Variants in MRPS25 observed in about 807,000 individuals in gnomAD.
MRPS25 encodes the protein mitochondrial ribosomal protein S25.
A neutral mutation model predicts 17.3 loss-of-function variants in MRPS25; 15 were observed. The ratio of observed to expected loss-of-function variants is 0.87; its 90% CI spans 0.58 to 1.34. The LOEUF (loss-of-function observed/expected upper bound fraction) is 1.34, where lower values mean the gene tolerates loss of function less well. Ranked by LOEUF, MRPS25 falls within the 40% of genes most tolerant of loss-of-function variation. The probability of loss-of-function intolerance (pLI) is 0.00; values close to 1 mark genes in which losing one functional copy is unlikely to be tolerated. For missense variants in MRPS25, 225 were observed against 218.6 expected (o/e 1.03, Z -0.19); for synonymous variants, 94 against 83.3 (o/e 1.13, Z -0.70).
chr3:15,046,535 C>T (rs1322504590), downstream of MRPS25: 1 of 152,306 alleles, frequency 6.6e-6, no homozygotes, highest in East Asian at 1.9e-4. Context: ...TGCTCACAGC[C>T]CGCCCTCTGC....
intron 2 of MRPS25, among the ~76,000 whole-genome samples, chr3:15,055,438 A>G (rs552533179): frequency 6.6e-6 from 1 of 152,372 alleles, no homozygotes; most frequent in African/African-American, 2.4e-5. Flanking sequence ...AAATGGCTAA[A>G]ATTTTAAAAG....
Position 15,065,254 on chromosome 3 carries a change from A to G in MRPS25, c.-60T>C. The G allele has an allele frequency of 6.7e-7, 1 of 1,494,542 alleles. No homozygotes were observed. Among genetic ancestry groups the G allele is most frequent in the Non-Finnish European group, 8.9e-7 (1 of 1,120,906 alleles). The allele number at this position is 1,494,542 out of a possible 1,614,324, so 92.6% of individuals were successfully genotyped here. On this transcript the variant is annotated 5_prime_UTR_variant, in exon 1 of 4. Transcript: ENST00000253686. ...GCGAGCCGAGCAGCGACGAGAAAGG[A>G]CTAGCTAGCACCCGCGCGGATCTCA...
chr3:15,064,017 G>A (rs955083471), intron 1 of MRPS25, among the ~76,000 whole-genome samples: 7 of 152,230 alleles, frequency 4.6e-5, no homozygotes, highest in Non-Finnish European at 8.8e-5. Flanking sequence ...CACCTGCGCA[G>A]AGCAAATGGC....
chr3:15,061,232 T>G (rs2042750713), intron 1 of MRPS25, among the ~76,000 whole-genome samples: 1 of 152,050 alleles, frequency 6.6e-6, no homozygotes, highest in Non-Finnish European at 1.5e-5. Flanking sequence ...ACGGTCTCCC[T>G]CTCCCTCTTT....
chr3:15,055,049 G>C (rs1258037244), intron 2 of MRPS25, among the ~76,000 whole-genome samples: 1 of 149,706 alleles, frequency 6.7e-6, no homozygotes, highest in Non-Finnish European at 1.5e-5. Flanking sequence ...GAAGGCAAAG[G>C]GGGAGCAAGG....
chr3:15,044,095 G>A (rs940488011), downstream of MRPS25: 6 of 152,222 alleles, frequency 3.9e-5, no homozygotes, highest in African/African-American at 1.2e-4. Context: ...AAGGGCTCGT[G>A]TTTCTGCAGC....
At position 15,058,809 on chromosome 3, in the gene MRPS25, G is replaced by A. The variant is rs376490331; in HGVS notation, c.241+560C>T. ...GTCTGAGAGCTGGGCCAGAACAGCT[G>A]CCCTCCTCGTTTTCCAGCGTGGAGC... On this transcript the variant is annotated intron_variant, in intron 2 of 3. Coordinates refer to ENST00000253686, the MANE Select transcript of MRPS25 (RefSeq NM_022497.5). Among the ~76,000 whole-genome samples the A allele has an allele frequency of 2.4e-4, 36 of 152,228 alleles. No homozygotes were observed. In the East Asian group the frequency reaches 3.7e-3, roughly 16 times the overall value.
rs1463198124 is a variant in MRPS25, at chr3:15,049,919, G to C, written c.*2522C>G. ...ACAGCAGATGATACAGGTTTAGATG[G>C]TGCTGCCAGGTAGTGCCTCAAAGAG... On this transcript the variant is annotated 3_prime_UTR_variant, in exon 4 of 4. Coordinates refer to ENST00000253686, the MANE Select transcript of MRPS25 (RefSeq NM_022497.5). The C allele has an allele frequency of 8.5e-6, 13 of 1,532,070 alleles. No individual in the cohort carries two copies. Among genetic ancestry groups the C allele is most frequent in the Non-Finnish European group, 1.1e-5 (13 of 1,145,584 alleles). 94.9% of individuals were successfully genotyped at this position (1,532,070 alleles called of 1,614,324 possible). A position where few individuals can be genotyped will look rare whatever the true frequency, so the allele number is the denominator to read the frequency against.
rs1345156224 is a variant in MRPS25 at position 15,065,108 on chromosome 3, G to A, written c.87C>T (p.Val29=). ...CATGCGTGTTGTAATTCACTGTCAT[G>A]ACCTTCACGGAGTCCTTGAACACCA... The part of the protein sequence containing the change: ...GNVVFKDSVK[V]MTVNYNTHGE... The change falls in exon 1 of 4, where the codon GTC becomes GTT. Residue 29 remains valine (V), a synonymous_variant. Transcript: ENST00000253686. 1.2e-6 allele frequency: 2 copies of A among 1,608,852 alleles called. No individual in the cohort carries two copies. The highest frequency in any genetic ancestry group is 8.5e-7 in the Non-Finnish European group (1 of 1,177,920).
Position 15,061,894 on chromosome 3 carries a change from GC to G in MRPS25, c.135-2420del, listed in dbSNP as rs2042769347. Among the ~76,000 whole-genome samples the G allele has an allele frequency of 2.7e-5, 4 of 149,624 alleles. No individual in the cohort carries two copies. The East Asian group carries it at 8.1e-4, about 30-fold the overall frequency. On this transcript the variant is annotated intron_variant, in intron 1 of 3. Transcript: ENST00000253686. The stretch of plus-strand genomic sequence containing the variant: ...CGTCTGAGAAGGGAGGAGACCCTCC[GC>G]CCGGCAGCCGCCCTGTCTGAGAAGT...
chr3:15,049,824 G>A lies in MRPS25; in HGVS notation c.*2617C>T. 3 of 1,039,572 alleles carry A rather than the reference G, an allele frequency of 2.9e-6. No individual in the cohort carries two copies. The highest frequency in any genetic ancestry group is 4.3e-6 in the Non-Finnish European group (3 of 700,406). 64.4% of individuals were successfully genotyped at this position (1,039,572 alleles called of 1,614,324 possible). A position where few individuals can be genotyped will look rare whatever the true frequency, so the allele number is the denominator to read the frequency against. ...GGCTGGAATGCAGTGGTACAGTCAT[G>A]GCTCACTCCAGCCTCAACCTCCTGG... is the stretch of plus-strand genomic sequence containing the variant. On this transcript the variant is annotated 3_prime_UTR_variant, in exon 4 of 4. Transcript: ENST00000253686.
Position 15,051,010 on chromosome 3 carries a change from C to T in MRPS25, c.*1431G>A. 1.0e-6 allele frequency: 1 copy of T among 983,946 alleles called. No homozygotes were observed. Among genetic ancestry groups the T allele is most frequent in the Non-Finnish European group, 1.2e-6 (1 of 828,664 alleles). 61.0% of individuals were successfully genotyped at this position (983,946 alleles called of 1,614,324 possible). A position where few individuals can be genotyped will look rare whatever the true frequency, so the allele number is the denominator to read the frequency against. On this transcript the variant is annotated 3_prime_UTR_variant, in exon 4 of 4. Coordinates refer to ENST00000253686, the MANE Select transcript of MRPS25 (RefSeq NM_022497.5). ...GACCTGGAAAGCTTTTAGGACTTGA[C>T]CAAGGCCCCAGCAGGTAGAGGAATG...
intron 1 of MRPS25, among the ~76,000 whole-genome samples, chr3:15,061,136 G>GA (rs528167896): frequency 2.0e-5 from 3 of 152,200 alleles, no homozygotes; most frequent in East Asian, 3.9e-4. Flanking sequence ...AAATGCAACA[G>GA]AGATCTTAAA....
Position 15,049,778 on chromosome 3 carries a change from A to G in MRPS25, c.*2663T>C, listed in dbSNP as rs758572691. 1.4e-6 allele frequency: 1 copy of G among 714,522 alleles called. No individual in the cohort carries two copies. The highest frequency in any genetic ancestry group is 2.7e-5 in the Admixed American group (1 of 37,342). 44.3% of individuals were successfully genotyped at this position (714,522 alleles called of 1,614,324 possible). On this transcript the variant is annotated 3_prime_UTR_variant, in exon 4 of 4. Coordinates refer to ENST00000253686, the MANE Select transcript of MRPS25 (RefSeq NM_022497.5). Reference sequence around the variant, plus strand: ...TGACAGAACTCACTGGCAGGCAGATAGGGCCTCACTCCGTCACCCAGGCTG... The same window carrying G: ...TGACAGAACTCACTGGCAGGCAGATGGGGCCTCACTCCGTCACCCAGGCTG...
At chr3:15,044,375 TA>T (rs1400767149), downstream of MRPS25, 2 of 152,326 alleles carry the variant, frequency 1.3e-5, no homozygotes, top group South Asian at 2.1e-4. Flanking sequence ...GCTTGCTCCT[TA>T]AAAACAACCC....
Position 15,049,609 on chromosome 3 carries a change from T to C in MRPS25, c.*2832A>G, listed in dbSNP as rs2042571899. 1 of 473,288 alleles carries C rather than the reference T, an allele frequency of 2.1e-6. No homozygotes were observed. Among genetic ancestry groups the C allele is most frequent in the African/African-American group, 2.1e-5 (1 of 48,538 alleles). 29.3% of individuals were successfully genotyped at this position (473,288 alleles called of 1,614,324 possible). On this transcript the variant is annotated 3_prime_UTR_variant, in exon 4 of 4. Coordinates refer to ENST00000253686, the MANE Select transcript of MRPS25 (RefSeq NM_022497.5). ...TTCAGATGCCATTACAGACAGGCCT[T>C]AAATTGGCAAGCTTATTCTCTAAGG...
intron 1 of MRPS25, among the ~76,000 whole-genome samples, chr3:15,062,095 G>A (rs1330682545): frequency 4.8e-5 from 7 of 146,758 alleles, no homozygotes; most frequent in Admixed American, 1.3e-4. Context: ...GGAGGTAGGG[G>A]GCTCAGCCGC....
rs1239115539 is a variant in MRPS25 at position 15,050,598 on chromosome 3, G to A, written c.*1843C>T. ...TCAAGACTTCAGTCAGTTGGGTGGG[G>A]AACTGAAACCAGCAGACATGGGAGG... On this transcript the variant is annotated 3_prime_UTR_variant, in exon 4 of 4. Coordinates refer to ENST00000253686, the MANE Select transcript of MRPS25 (RefSeq NM_022497.5). The A allele has an allele frequency of 3.0e-6, 3 of 985,304 alleles. No individual in the cohort carries two copies. Among genetic ancestry groups the A allele is most frequent in the Admixed American group, 1.2e-4 (2 of 16,242 alleles). The allele number at this position is 985,304 out of a possible 1,614,324, so 61.0% of individuals were successfully genotyped here.
chr3:15,050,064 A>G lies in MRPS25; in HGVS notation c.*2377T>C. ...CTAATTAATTTTCTCCCATTTCTGT[A>G]TATTTTAAACCCATCTTTCATCACT... On this transcript the variant is annotated 3_prime_UTR_variant, in exon 4 of 4. Transcript: ENST00000253686. 1.4e-6 allele frequency: 2 copies of G among 1,444,316 alleles called. No individual in the cohort carries two copies. Among genetic ancestry groups the G allele is most frequent in the Non-Finnish European group, 1.8e-6 (2 of 1,114,112 alleles). The allele number at this position is 1,444,316 out of a possible 1,614,324, so 89.5% of individuals were successfully genotyped here.
Sources: allele counts gnomAD v4.1 joint callset (sites outside exome capture counted in the v4.1 genomes callset), GRCh38; gene constraint gnomAD v4.1.1; transcripts MANE v1.5; gene names NCBI Gene and HGNC (gene_info 2026-07-23, HGNC 2026-07-21).